The following RYR3 variants were observed in gnomAD, a reference collection of about 807,000 sequenced individuals.
RYR3 encodes brain ryanodine receptor-calcium release channel.
RYR3 carries 207 observed loss-of-function variants against 584.3 expected under a neutral mutation model. That is an observed-to-expected ratio of 0.35 (90% confidence interval 0.32 to 0.40). The LOEUF is 0.40. RYR3 is among the 10% of genes least tolerant of loss of function. The probability of loss-of-function intolerance (pLI) is 1.00; values close to 1 mark genes in which losing one functional copy is unlikely to be tolerated. For synonymous variants in RYR3, 2,416 were observed against 2,248.5 expected, an observed-to-expected ratio of 1.07 and a Z score of -2.11; for missense variants, 5,616 against 6,089.2, an observed-to-expected ratio of 0.92 and a Z score of 2.59.
chr15:33,603,216 C>A lies in RYR3; in HGVS notation c.2016C>A (p.Phe672Leu). ...FELIIDQVDP[F>L]LTAEPTHLRV... ...TGATTATCGACCAGGTGGACCCCTT[C>A]CTAACAGCAGAGCCCACACATCTGC... The change falls in exon 18 of 104, where the codon TTC becomes TTA. Residue 672 changes from phenylalanine to leucine, a missense_variant. Phe to Leu is a conservative substitution (Grantham distance 22, BLOSUM62 0). This residue lies in a region of RYR3 where 1,284 missense variants were observed against 1,344.6 expected (regional missense o/e 0.95). Coordinates refer to ENST00000634891, the MANE Select transcript of RYR3 (RefSeq NM_001036.6). 1 of 1,613,942 alleles carries A rather than the reference C, an allele frequency of 6.2e-7. No homozygotes were observed. Among genetic ancestry groups the A allele is most frequent in the Non-Finnish European group, 8.5e-7 (1 of 1,179,864 alleles).
chr15:33,597,694 T>C (rs995634947), intron 16 of RYR3, among the ~76,000 whole-genome samples: 6 of 152,134 alleles, frequency 3.9e-5, no homozygotes, highest in African/African-American at 1.4e-4. Context: ...ATAGGAACTT[T>C]AAAATAAGGA....
At chr15:33,366,730 G>C (rs550940544) in intron 1 of RYR3, among the ~76,000 whole-genome samples, 1 of 152,306 alleles carries the variant, frequency 6.6e-6, no homozygotes, top group African/African-American at 2.4e-5. Flanking sequence ...GGGCCCATGG[G>C]AGCATGGAGC....
At position 33,757,223 on chromosome 15, in the gene RYR3, C is replaced by A. The variant is rs1442023804; in HGVS notation, c.8584-252C>A. On this transcript the variant is annotated intron_variant, in intron 59 of 103. Transcript: ENST00000634891. ...AGTGCAGCTGTCTCGTAGGACTCCT[C>A]TGCAAATGCGCACACATTTCTTTGG... Among the ~76,000 whole-genome samples the A allele has an allele frequency of 2.0e-5, 3 of 152,180 alleles. No homozygotes were observed. In the East Asian group the frequency reaches 5.8e-4, roughly 29 times the overall value.
chr15:33,564,500 C>G (rs1481021024), intron 11 of RYR3, among the ~76,000 whole-genome samples: 1 of 152,136 alleles, frequency 6.6e-6, no homozygotes, highest in Non-Finnish European at 1.5e-5. Flanking sequence ...AAGAACAAAT[C>G]AAAAATAAAT....
intron 69 of RYR3, among the ~76,000 whole-genome samples, chr15:33,803,353 T>A (rs555936906): frequency 1.3e-5 from 2 of 152,354 alleles, no homozygotes; most frequent in Admixed American, 1.3e-4. Context: ...ACACATCTAC[T>A]GTCATATGAT....
chr15:33,570,703 A>G (rs1224404837), intron 12 of RYR3, among the ~76,000 whole-genome samples: 3 of 152,186 alleles, frequency 2.0e-5, no homozygotes, highest in Non-Finnish European at 4.4e-5. Context: ...AAGTCTTCCA[A>G]TCTTCAAACA....
intron 19 of RYR3, among the ~76,000 whole-genome samples, chr15:33,618,836 A>AT (rs1365454586): frequency 4.6e-5 from 7 of 152,186 alleles, no homozygotes; most frequent in African/African-American, 1.7e-4. Flanking sequence ...CTTTGTCATG[A>AT]TTTTTACTAT....
At chr15:33,788,499 G>A in intron 67 of RYR3, 41 bp downstream of exon 67, 1 of 1,602,392 alleles carries the variant, frequency 6.2e-7, no homozygotes, top group Non-Finnish European at 8.5e-7. Context: ...CCCCTCTGTG[G>A]GGCTAGTTTA....
At chr15:33,805,472 T>C (rs1438986062) in intron 69 of RYR3, among the ~76,000 whole-genome samples, 7 of 71,310 alleles carry the variant, frequency 9.8e-5, no homozygotes, top group East Asian at 1.2e-3. Context: ...TCTCTCTCTT[T>C]TTTTTTTTTT....
At chr15:33,765,759 A>G (rs1596490504) in intron 60 of RYR3, among the ~76,000 whole-genome samples, 3 of 152,292 alleles carry the variant, frequency 2.0e-5, no homozygotes, top group East Asian at 1.9e-4. Flanking sequence ...GAGGATATTC[A>G]ACTTTGAGAT....
At chr15:33,832,179 C>T (rs1043592273) in intron 86 of RYR3, among the ~76,000 whole-genome samples, 4 of 151,504 alleles carry the variant, frequency 2.6e-5, no homozygotes, top group East Asian at 3.9e-4. Context: ...GTGTAGTACC[C>T]GCTACTCGGG....
chr15:33,764,225 T>C (rs1025680749), intron 60 of RYR3, among the ~76,000 whole-genome samples: 5 of 152,126 alleles, frequency 3.3e-5, no homozygotes, highest in African/African-American at 1.2e-4. Flanking sequence ...GGCACATATA[T>C]ACCATGGAAT....
chr15:33,584,656 G>A (rs897494007), intron 15 of RYR3, among the ~76,000 whole-genome samples, 166 bp downstream of exon 15: 6 of 151,834 alleles, frequency 4.0e-5, no homozygotes, highest in Non-Finnish European at 7.4e-5. Context: ...GCACCTGTAC[G>A]ACTTTATTTA....
At chr15:33,533,436 C>A in intron 5 of RYR3, 47 bp downstream of exon 5, 4 of 1,370,464 alleles carry the variant, frequency 2.9e-6, no homozygotes, top group Non-Finnish European at 4.1e-6. Context: ...GGGTCTTGGG[C>A]TAAGGGGCTT....
chr15:33,865,454 G>GAATCAAGTAATCTCTA lies in RYR3; in HGVS notation c.*229_*244dup. ...CAAAATGTCGAAGAAGGAAGGCGAAGAATCAAGTAATCTCTAGGCAAATGC... is the reference window on the plus strand; with the variant it reads ...CAAAATGTCGAAGAAGGAAGGCGAAGAATCAAGTAATCTCTAAATCAAGTAATCTCTAGGCAAATGC... On this transcript the variant is annotated 3_prime_UTR_variant, in exon 104 of 104. Coordinates refer to ENST00000634891, the MANE Select transcript of RYR3 (RefSeq NM_001036.6). 1 of 485,162 alleles carries GAATCAAGTAATCTCTA rather than the reference G, an allele frequency of 2.1e-6. No individual in the cohort carries two copies. Among genetic ancestry groups the GAATCAAGTAATCTCTA allele is most frequent in the Non-Finnish European group, 3.7e-6 (1 of 273,840 alleles). The allele number at this position is 485,162 out of a possible 1,614,324, so 30.1% of individuals were successfully genotyped here.
At chr15:33,503,797 G>C in intron 3 of RYR3, 59 bp downstream of exon 3, 1 of 964,490 alleles carries the variant, frequency 1.0e-6, no homozygotes, top group Non-Finnish European at 1.6e-6. Flanking sequence ...CCCAAAATAC[G>C]TTCTACATTT....
chr15:33,323,542 G>A (rs1002178213), intron 1 of RYR3, among the ~76,000 whole-genome samples: 11 of 152,116 alleles, frequency 7.2e-5, no homozygotes, highest in African/African-American at 2.7e-4. Context: ...TCAATGATAT[G>A]GGGAGGGGGT....
intron 18 of RYR3, among the ~76,000 whole-genome samples, chr15:33,611,346 G>A (rs998448538): frequency 7.2e-5 from 11 of 152,172 alleles, no homozygotes; most frequent in Admixed American, 2.6e-4. Flanking sequence ...CACGAGGTCA[G>A]GAGATCGAGA....
In RYR3 at chr15:33,739,828, A is replaced by G. The variant is rs2069895293; in HGVS notation, c.7657-4A>G. The G allele has an allele frequency of 6.2e-7, 1 of 1,611,490 alleles. No individual in the cohort carries two copies. The highest frequency in any genetic ancestry group is 1.7e-5 in the Admixed American group (1 of 59,858). ...ACTAATGTGGCCTTGTTTTTCCCTC[A>G]CAGAAATATGACCCAGATCTTTTCC... On this transcript the variant is annotated splice_polypyrimidine_tract_variant and splice_region_variant and intron_variant, in intron 50 of 103. Coordinates refer to ENST00000634891, the MANE Select transcript of RYR3 (RefSeq NM_001036.6).
Sources: allele counts gnomAD v4.1 joint callset (sites outside exome capture counted in the v4.1 genomes callset), GRCh38; gene constraint gnomAD v4.1.1; regional missense constraint gnomAD v4.1.1; transcripts MANE v1.5; gene names NCBI Gene and HGNC (gene_info 2026-07-23, HGNC 2026-07-21).